The following WDR27 variants were observed in gnomAD, a reference collection of about 807,000 sequenced individuals.
WDR27 encodes WD repeat domain 27, also known as WD repeat-containing protein 27.
WDR27 carries 100 observed loss-of-function variants against 114.4 expected under a neutral mutation model. That is an observed-to-expected ratio of 0.87 (90% CI 0.74 to 1.03). The LOEUF (loss-of-function observed/expected upper bound fraction) is 1.03, where lower values mean the gene tolerates loss of function less well. Ranked by LOEUF, WDR27 falls within the 50% of genes least tolerant of loss-of-function variation. The pLI is 0.00. For synonymous variants in WDR27, 449 were observed against 423.1 expected, an observed-to-expected ratio of 1.06 and a Z score of -0.75; for missense variants, 1,129 against 1,092.9, an observed-to-expected ratio of 1.03 and a Z score of -0.47.
chr6:169,650,634 T>G (rs551442038), intron 14 of WDR27, among the ~76,000 whole-genome samples: 13 of 133,314 alleles, frequency 9.8e-5, no homozygotes, highest in African/African-American at 3.8e-4. Flanking sequence ...CTCATCCATC[T>G]CTTATCCCTC....
the WDR27 span, among the ~76,000 whole-genome samples, chr6:169,435,675 A>T: frequency 2.0e-5 from 3 of 152,256 alleles, no homozygotes; most frequent in African/African-American, 7.2e-5. Flanking sequence ...TGTTTATCCA[A>T]TGCCTGTACT....
rs989665721 is a variant in WDR27, at chr6:169,644,748, G to A, written c.1658-962C>T. 4.3e-4 allele frequency among the ~76,000 whole-genome samples: 25 copies of A among 58,746 alleles called. 7 individuals carry two copies. The highest frequency in any genetic ancestry group is 2.4e-3 in the South Asian group (5 of 2,114). The allele number at this position is 58,746 out of a possible 152,430, so 38.5% of individuals were successfully genotyped here. ...TCCTAGGCCGGGCGCGGTGGCTCAC[G>A]CCTGTAATCCCAGCACTTTGGGAGG... is the stretch of plus-strand genomic sequence containing the variant. On this transcript the variant is annotated intron_variant, in intron 16 of 25. Transcript: ENST00000448612.
chr6:169,489,046 A>G (rs570106915), intron 25 of WDR27, among the ~76,000 whole-genome samples: 1 of 150,762 alleles, frequency 6.6e-6, no homozygotes, highest in African/African-American at 2.4e-5. Flanking sequence ...ACATGATTTC[A>G]GAGATGAGGG....
downstream of WDR27, among the ~76,000 whole-genome samples, chr6:169,455,289 A>C (rs983120904): frequency 6.6e-6 from 1 of 152,218 alleles, no homozygotes; most frequent in African/African-American, 2.4e-5. Context: ...AAGTATTTGG[A>C]AAGTGAGGCT....
chr6:169,477,602 CTAATTTCTGTATTTTTAGTACA>C (rs1173058125), intron 25 of WDR27, among the ~76,000 whole-genome samples: 1 of 152,140 alleles, frequency 6.6e-6, no homozygotes, highest in Non-Finnish European at 1.5e-5. Context: ...CCATGACCAG[CTAATTTCTGTATTTTTAGTACA>C]GACATGGTTT....
chr6:169,451,857 T>C, the WDR27 span, among the ~76,000 whole-genome samples: 3 of 152,256 alleles, frequency 2.0e-5, no homozygotes, highest in Non-Finnish European at 1.5e-5. Context: ...AATATTTTGC[T>C]CATTTTTTAT....
At chr6:169,551,205 A>C (rs1798049896) in intron 25 of WDR27, among the ~76,000 whole-genome samples, 1 of 152,152 alleles carries the variant, frequency 6.6e-6, no homozygotes, top group South Asian at 2.1e-4. Flanking sequence ...AGTTGGATGA[A>C]ACTACTACAG....
intron 23 of WDR27, 125 bp from the exon 24 acceptor site, chr6:169,583,059 G>T: frequency 1.4e-6 from 1 of 730,914 alleles, no homozygotes; most frequent in Non-Finnish European, 2.3e-6. Context: ...CAACAACCAA[G>T]ATGCCTGACA....
chr6:169,639,590 A>G (rs879568684), intron 17 of WDR27, among the ~76,000 whole-genome samples: 33 of 152,198 alleles, frequency 2.2e-4, no homozygotes, highest in Non-Finnish European at 4.4e-4. Flanking sequence ...GAGAGCGCCA[A>G]TGCTGGTCTT....
At chr6:169,609,730 T>C (rs1020761908) in intron 22 of WDR27, among the ~76,000 whole-genome samples, 8 of 152,362 alleles carry the variant, frequency 5.3e-5, no homozygotes, top group Admixed American at 5.2e-4. Flanking sequence ...AACATTTGGC[T>C]CCTCAGTATG....
intron 25 of WDR27, among the ~76,000 whole-genome samples, chr6:169,564,682 C>T (rs756091848): frequency 7.0e-6 from 1 of 142,772 alleles, no homozygotes; most frequent in East Asian, 2.1e-4. Flanking sequence ...CTGGACAGAG[C>T]CCGGTGCTCA....
chr6:169,513,501 TG>T (rs1793180716), intron 25 of WDR27, among the ~76,000 whole-genome samples: 1 of 152,070 alleles, frequency 6.6e-6, no homozygotes, highest in African/African-American at 2.4e-5. Context: ...TTCAAAATTT[TG>T]GGGAGTTGTA....
intron 25 of WDR27, among the ~76,000 whole-genome samples, chr6:169,513,630 C>A (rs1483456819): frequency 1.2e-4 from 1 of 8,326 alleles, no homozygotes; most frequent in Non-Finnish European, 4.0e-4. Context: ...ACATTCTATG[C>A]AGTAATTACT....
Position 169,522,295 on chromosome 6 carries a change from C to T in WDR27, c.2645+50124G>A, listed in dbSNP as rs557912797. Among the ~76,000 whole-genome samples, 45 of 151,990 alleles carry T rather than the reference C, an allele frequency of 3.0e-4. No individual in the cohort carries two copies. The Middle Eastern group carries it at 0.01, about 34-fold the overall frequency. On this transcript the variant is annotated intron_variant, in intron 25 of 25. Coordinates refer to ENST00000448612, the MANE Select transcript of WDR27 (RefSeq NM_182552.5). ...GAAGATATAAAATCATAAATATCTA[C>T]GCACCCAACACCATAGCTCCCAAGT...
At position 169,688,961 on chromosome 6, in the gene WDR27, T is replaced by C. The variant is rs1562939832; in HGVS notation, c.45A>G (p.Leu15=). 1.2e-6 allele frequency: 2 copies of C among 1,613,220 alleles called. No homozygotes were observed. The highest frequency in any genetic ancestry group is 1.1e-5 in the South Asian group (1 of 90,850). ...QDIFSSNGGC[L]SDIVIEKYLV... ...GGTATTTTTCTATAACTATATCACT[T>C]AGACAGCCACCATTACTTGAGAAAA... Residue 15 remains leucine (L), a synonymous_variant, in exon 2 of 26, where the codon CTA becomes CTG. Coordinates refer to ENST00000448612, the MANE Select transcript of WDR27 (RefSeq NM_182552.5).
chr6:169,621,292 G>A (rs9477997), intron 21 of WDR27, among the ~76,000 whole-genome samples: 90,882 of 148,330 alleles, frequency 0.61, 31,173 homozygotes, highest in Non-Finnish European at 0.8. Context: ...ACACATGCAC[G>A]CACGCATATA....
At chr6:169,506,172 G>A (rs1036843548) in intron 25 of WDR27, among the ~76,000 whole-genome samples, 28 of 152,300 alleles carry the variant, frequency 1.8e-4, no homozygotes, top group African/African-American at 6.7e-4. Flanking sequence ...GAATTTCCAA[G>A]CACTAATTTT....
At chr6:169,597,831 A>C (rs1807110181) in intron 23 of WDR27, among the ~76,000 whole-genome samples, 1 of 151,620 alleles carries the variant, frequency 6.6e-6, no homozygotes, top group Non-Finnish European at 1.5e-5. Context: ...AATATCAAAA[A>C]AAAGTTCTGC....
intron 23 of WDR27, among the ~76,000 whole-genome samples, chr6:169,585,150 A>G (rs990110888): frequency 2.0e-5 from 3 of 152,202 alleles, no homozygotes; most frequent in Admixed American, 6.5e-5. Context: ...CATACATAAA[A>G]ATCAACTCAA....
Sources: allele counts gnomAD v4.1 joint callset (sites outside exome capture counted in the v4.1 genomes callset), GRCh38; gene constraint gnomAD v4.1.1; transcripts MANE v1.5; gene names NCBI Gene and HGNC (gene_info 2026-07-23, HGNC 2026-07-21).